Variants in OSTM1 observed in about 807,000 individuals in gnomAD.
The protein encoded by OSTM1 is osteopetrosis-associated transmembrane protein 1.
OSTM1 carries 26 observed loss-of-function variants against 35.4 expected under a neutral mutation model. The ratio of observed to expected loss-of-function variants is 0.73; its 90% CI spans 0.54 to 1.02. The LOEUF is 1.02. Ranked by LOEUF, OSTM1 falls within the 50% of genes least tolerant of loss-of-function variation. The pLI, the probability that OSTM1 is intolerant of heterozygous loss-of-function variation, is 0.00. For synonymous variants in OSTM1, 181 were observed against 165.0 expected, an observed-to-expected ratio of 1.10 and a Z score of -0.75; for missense variants, 366 against 409.6, an observed-to-expected ratio of 0.89 and a Z score of 0.92.
Position 108,043,097 on chromosome 6 carries a change from G to T in OSTM1, c.*1688C>A, listed in dbSNP as rs1771900414. 1 of 152,086 alleles carries T rather than the reference G, an allele frequency of 6.6e-6. No individual in the cohort carries two copies. The highest frequency in any genetic ancestry group is 6.6e-5 in the Admixed American group (1 of 15,264). The allele number at this position is 152,086 out of a possible 1,614,324, so 9.4% of individuals were successfully genotyped here. On this transcript the variant is annotated 3_prime_UTR_variant, in exon 6 of 6. Coordinates refer to ENST00000193322, the MANE Select transcript of OSTM1 (RefSeq NM_014028.4). The stretch of plus-strand genomic sequence containing the variant: ...ATTAGCTTTATATCCAAAAACAATG[G>T]TTTTTACAAATACATAATACTGAAA...
Position 108,044,875 on chromosome 6 carries a change from A to C in OSTM1, c.950-35T>G, listed in dbSNP as rs768254331. On this transcript the variant is annotated intron_variant, in intron 5 of 5. Transcript: ENST00000193322. Reference sequence around the variant, plus strand: ...TCAAAAGAATTATATTTTAATTTAAATTTAATTATCAAACATGATTATTTA... The same window carrying C: ...TCAAAAGAATTATATTTTAATTTAACTTTAATTATCAAACATGATTATTTA... 21 of 1,089,486 alleles carry C rather than the reference A, an allele frequency of 1.9e-5. 1 individual carries two copies. The South Asian group carries it at 3.4e-4, about 17-fold the overall frequency. The allele number at this position is 1,089,486 out of a possible 1,614,324, so 67.5% of individuals were successfully genotyped here.
chr6:108,070,203 A>G (rs1772456050), intron 1 of OSTM1, among the ~76,000 whole-genome samples: 2 of 151,904 alleles, frequency 1.3e-5, no homozygotes, highest in South Asian at 2.1e-4. Flanking sequence ...ACTCCTGGCT[A>G]ATTTTTTATA....
At chr6:108,049,226 TA>T in intron 5 of OSTM1, 26 bp downstream of exon 5, 2 of 1,519,986 alleles carry the variant, frequency 1.3e-6, no homozygotes, top group Non-Finnish European at 1.8e-6. Flanking sequence ...CTTTTATCTA[TA>T]AAATAAATAA....
Position 108,059,204 on chromosome 6 carries a change from C to A in OSTM1, c.518-4617G>T, listed in dbSNP as rs1582393246. 6.6e-5 allele frequency among the ~76,000 whole-genome samples: 10 copies of A among 152,318 alleles called. No individual in the cohort carries two copies. The South Asian group carries it at 2.1e-3, about 32-fold the overall frequency. On this transcript the variant is annotated intron_variant, in intron 2 of 5. Coordinates refer to ENST00000193322, the MANE Select transcript of OSTM1 (RefSeq NM_014028.4). ...AGATAAGCAAGAAGGGTCTCAATAA[C>A]AAGGCTATCCCTATGTCAACAATAC... is the stretch of plus-strand genomic sequence containing the variant.
At chr6:108,073,724 A>G (rs1772528565) in intron 1 of OSTM1, 1 of 161,238 alleles carries the variant, frequency 6.2e-6, no homozygotes, top group African/African-American at 2.4e-5. Context: ...GTCACAGGCA[A>G]TATCTCTTTT....
At chr6:108,044,918 A>G in intron 5 of OSTM1, 78 bp from the exon 6 acceptor site, 1 of 725,356 alleles carries the variant, frequency 1.4e-6, no homozygotes. Context: ...TATGTAATCT[A>G]TAGTATTTAT....
At chr6:108,046,281 A>G (rs888740076) in intron 5 of OSTM1, among the ~76,000 whole-genome samples, 10 of 148,578 alleles carry the variant, frequency 6.7e-5, no homozygotes, top group Non-Finnish European at 1.3e-4. Context: ...CGGCCTCCCA[A>G]AGTGCTGGGA....
At chr6:108,065,292 TGCAGTGAC>T (rs1772358087) in intron 1 of OSTM1, among the ~76,000 whole-genome samples, 1 of 147,962 alleles carries the variant, frequency 6.8e-6, no homozygotes, top group African/African-American at 2.5e-5. Context: ...CAGGCTGGAG[TGCAGTGAC>T]GCAATCTCAG....
At chr6:108,067,515 A>T (rs1405013732) in intron 1 of OSTM1, among the ~76,000 whole-genome samples, 1 of 138,476 alleles carries the variant, frequency 7.2e-6, no homozygotes, top group Non-Finnish European at 1.6e-5. Context: ...AGAGGAATGG[A>T]GGGACAGGGG....
chr6:108,063,315 G>A (rs925902462), intron 2 of OSTM1, among the ~76,000 whole-genome samples: 9 of 152,266 alleles, frequency 5.9e-5, no homozygotes, highest in South Asian at 4.1e-4. Flanking sequence ...CCTCACTGGC[G>A]TCATCTCTAC....
In OSTM1 at chr6:108,065,258, G is replaced by A. The variant is rs565315151; in HGVS notation, c.403-959C>T. Among the ~76,000 whole-genome samples, 12 of 99,226 alleles carry A rather than the reference G, an allele frequency of 1.2e-4. No homozygotes were observed. The East Asian group carries it at 3.0e-3, about 25-fold the overall frequency. The allele number at this position is 99,226 out of a possible 152,430, so 65.1% of individuals were successfully genotyped here. A position where few individuals can be genotyped will look rare whatever the true frequency, so the allele number is the denominator to read the frequency against. On this transcript the variant is annotated intron_variant, in intron 1 of 5. Transcript: ENST00000193322. ...TTATCACTTTTTTTTTTTTTTTTTT[G>A]AGATGGAGTCTCACTCTATCGCCCA...
chr6:108,072,564 C>T lies in OSTM1; in HGVS notation c.402+1686G>A, dbSNP rs142444505. On this transcript the variant is annotated intron_variant, in intron 1 of 5. Transcript: ENST00000193322. ...AGGAGAATCACTTGAACCCAGGAGG[C>T]GGAGATTGCAGTGAGCCGAGATGAC... is the stretch of plus-strand genomic sequence containing the variant. Among the ~76,000 whole-genome samples, 974 of 150,274 alleles carry T rather than the reference C, an allele frequency of 6.5e-3. 16 individuals carry two copies. Among genetic ancestry groups the T allele is most frequent in the African/African-American group, 0.021 (838 of 40,856 alleles).
At position 108,074,593 on chromosome 6, in the gene OSTM1, A is replaced by C; in HGVS notation, c.59T>G (p.Leu20Arg). The C allele has an allele frequency of 6.4e-7, 1 of 1,565,476 alleles. No homozygotes were observed. The highest frequency in any genetic ancestry group is 8.6e-7 in the Non-Finnish European group (1 of 1,160,414). ...RRCSLPPWLP[L>R]GLLLWSGLAL... is the part of the protein sequence containing the mutation. ...CAGCCCCGACCACAGCAGCAGCCCCAGCGGCAGCCACGGCGGCAACGAACA... is the reference window on the plus strand; with the variant it reads ...CAGCCCCGACCACAGCAGCAGCCCCCGCGGCAGCCACGGCGGCAACGAACA... Residue 20 changes from leucine (L) to arginine (R), a missense_variant, in exon 1 of 6, where the codon CTG (leucine) becomes CGG (arginine). Physicochemically the swap from Leu to Arg is moderately radical, Grantham distance 102 (BLOSUM62 -2). Coordinates refer to ENST00000193322, the MANE Select transcript of OSTM1 (RefSeq NM_014028.4).
Position 108,049,435 on chromosome 6 carries a change from C to A in OSTM1, c.784-17G>T, listed in dbSNP as rs752725009. ...GATGTTCATCTGGAACAAGAGCAAA[C>A]AATATCTTTCTATTTTATATTTAAC... On this transcript the variant is annotated splice_polypyrimidine_tract_variant and intron_variant, in intron 4 of 5. Transcript: ENST00000193322. 12 of 1,611,264 alleles carry A rather than the reference C, an allele frequency of 7.4e-6. No individual in the cohort carries two copies. The highest frequency in any genetic ancestry group is 1.0e-5 in the Non-Finnish European group (12 of 1,177,774).
At chr6:108,047,442 A>T (rs1771996920) in intron 5 of OSTM1, among the ~76,000 whole-genome samples, 1 of 152,252 alleles carries the variant, frequency 6.6e-6, no homozygotes, top group Non-Finnish European at 1.5e-5. Context: ...CCTGGAAAGT[A>T]AGTTTGGATT....
In OSTM1 at chr6:108,044,754, C is replaced by T. The variant is rs185982479; in HGVS notation, c.*31G>A. 5.0e-4 allele frequency: 643 copies of T among 1,296,432 alleles called. 6 individuals carry two copies. In the South Asian group the frequency reaches 7.5e-3, roughly 15 times the overall value. The allele number at this position is 1,296,432 out of a possible 1,614,324, so 80.3% of individuals were successfully genotyped here. ...AGTTGTGTCTTCCACCATTCATTCACGTGATATGTCAATTCTCCATTTTGT... is the reference window on the plus strand; with the variant it reads ...AGTTGTGTCTTCCACCATTCATTCATGTGATATGTCAATTCTCCATTTTGT... On this transcript the variant is annotated 3_prime_UTR_variant, in exon 6 of 6. Transcript: ENST00000193322.
chr6:108,061,205 T>C (rs1268529872), intron 2 of OSTM1, among the ~76,000 whole-genome samples: 1 of 152,112 alleles, frequency 6.6e-6, no homozygotes, highest in Non-Finnish European at 1.5e-5. Flanking sequence ...CAGTATTCAA[T>C]ATACCATAGT....
intron 2 of OSTM1, among the ~76,000 whole-genome samples, chr6:108,057,679 CT>C (rs1056479601): frequency 5.3e-5 from 8 of 152,102 alleles, no homozygotes; most frequent in African/African-American, 1.9e-4. Context: ...ACCATCAAAA[CT>C]TTTTCAATGA....
Position 108,044,779 on chromosome 6 carries a change from T to G in OSTM1, c.*6A>C. ...CGTGATATGTCAATTCTCCATTTTG[T>G]AGGTCTCAGTTTGAATTTTCCTGAA... On this transcript the variant is annotated 3_prime_UTR_variant, in exon 6 of 6. Transcript: ENST00000193322. 6.5e-7 allele frequency: 1 copy of G among 1,531,530 alleles called. No individual in the cohort carries two copies. The highest frequency in any genetic ancestry group is 1.2e-5 in the South Asian group (1 of 86,740). 94.9% of individuals were successfully genotyped at this position (1,531,530 alleles called of 1,614,324 possible).
Sources: allele counts gnomAD v4.1 joint callset (sites outside exome capture counted in the v4.1 genomes callset), GRCh38; gene constraint gnomAD v4.1.1; transcripts MANE v1.5; gene names NCBI Gene and HGNC (gene_info 2026-07-23, HGNC 2026-07-21).